FNDC3B: variants seen among roughly 807,000 people sequenced by gnomAD.
FNDC3B encodes the protein fibronectin type III domain-containing protein 3B.
FNDC3B carries 12 observed loss-of-function variants against 151.5 expected under a neutral mutation model. The ratio of observed to expected loss-of-function variants is 0.08; its 90% CI spans 0.05 to 0.13. The LOEUF is 0.13. Ranked by LOEUF, FNDC3B falls within the 10% of genes least tolerant of loss-of-function variation. The pLI is 1.00. For missense variants in FNDC3B, 1,214 were observed against 1,505.3 expected (o/e 0.81, Z 3.20); for synonymous variants, 528 against 549.0 (o/e 0.96, Z 0.54).
chr3:172,049,631 G>A (rs1324136003), intron 1 of FNDC3B, among the ~76,000 whole-genome samples: 2 of 152,026 alleles, frequency 1.3e-5, no homozygotes, highest in Non-Finnish European at 2.9e-5. Context: ...AGGTTCAAGC[G>A]ATTCTTCTGC....
chr3:172,340,662 T>A (rs1733259268), intron 16 of FNDC3B, among the ~76,000 whole-genome samples: 1 of 152,146 alleles, frequency 6.6e-6, no homozygotes, highest in African/African-American at 2.4e-5. Flanking sequence ...TCCTTTGACC[T>A]CTAGGCAGAT....
At chr3:172,152,904 T>G (rs973610309) in intron 3 of FNDC3B, among the ~76,000 whole-genome samples, 2 of 152,138 alleles carry the variant, frequency 1.3e-5, no homozygotes, top group African/African-American at 4.8e-5. Context: ...ACAGAACAAT[T>G]CATTTGCTGC....
intron 1 of FNDC3B, among the ~76,000 whole-genome samples, chr3:172,070,491 A>T (rs1717719525): frequency 1.3e-5 from 2 of 152,226 alleles, no homozygotes; most frequent in South Asian, 4.1e-4. Flanking sequence ...CCCTGGACAT[A>T]CAGTTGTTTG....
rs370315169 is a variant in FNDC3B, at chr3:172,286,116, AAT to A, written c.849+134_849+135del. 12 of 658,278 alleles carry A rather than the reference AAT, an allele frequency of 1.8e-5. No individual in the cohort carries two copies. In the African/African-American group the frequency reaches 2.0e-4, roughly 11 times the overall value. The allele number at this position is 658,278 out of a possible 1,614,324, so 40.8% of individuals were successfully genotyped here. A position where few individuals can be genotyped will look rare whatever the true frequency, so the allele number is the denominator to read the frequency against. ...TTTGCAGATTACTCATCAACTATGA[AAT>A]AGTGTTCGGTTCAGTTATTAATGGA... On this transcript the variant is annotated intron_variant, in intron 7 of 25. Transcript: ENST00000415807.
At chr3:172,186,083 T>G (rs1436610670) in intron 3 of FNDC3B, among the ~76,000 whole-genome samples, 1 of 152,236 alleles carries the variant, frequency 6.6e-6, no homozygotes, top group East Asian at 1.9e-4. Context: ...AAAGCTGAAG[T>G]AAGGATTTCA....
intron 3 of FNDC3B, among the ~76,000 whole-genome samples, chr3:172,199,476 G>C (rs909926711): frequency 2.6e-5 from 4 of 152,180 alleles, no homozygotes; most frequent in Non-Finnish European, 5.9e-5. Flanking sequence ...ACCGCGCCCG[G>C]CTAGAATATT....
intron 1 of FNDC3B, among the ~76,000 whole-genome samples, chr3:172,098,682 A>T (rs1165033186): frequency 2.0e-5 from 3 of 152,152 alleles, no homozygotes; most frequent in Non-Finnish European, 2.9e-5. Context: ...ATACCCTGAG[A>T]GATTATCTAG....
At chr3:172,094,001 A>G (rs568210933) in intron 1 of FNDC3B, among the ~76,000 whole-genome samples, 2 of 152,132 alleles carry the variant, frequency 1.3e-5, no homozygotes, top group Non-Finnish European at 2.9e-5. Flanking sequence ...AACCACCACC[A>G]CTAGCAAATT....
chr3:172,142,268 A>G lies in FNDC3B; in HGVS notation c.187+8722A>G, dbSNP rs1721663300. On this transcript the variant is annotated intron_variant, in intron 3 of 25. Coordinates refer to ENST00000415807, the MANE Select transcript of FNDC3B (RefSeq NM_022763.4). ...ATTTTTAAAGCATTTCAGAAAGCCTATGCGAACTGGAGTTATTAGGATTTT... is the reference window on the plus strand; with the variant it reads ...ATTTTTAAAGCATTTCAGAAAGCCTGTGCGAACTGGAGTTATTAGGATTTT... Among the ~76,000 whole-genome samples, 4 of 152,230 alleles carry G rather than the reference A, an allele frequency of 2.6e-5. No homozygotes were observed. The South Asian group carries it at 8.3e-4, about 31-fold the overall frequency.
Position 172,040,868 on chromosome 3 carries a change from C to G in FNDC3B, c.-29+1097C>G, listed in dbSNP as rs942595703. 6.6e-6 allele frequency among the ~76,000 whole-genome samples: 1 copy of G among 152,114 alleles called. No homozygotes were observed. The highest frequency in any genetic ancestry group is 3.2e-3 in the Middle Eastern group (1 of 312). ...GAACCGGAGGACCCGGGCCCGCCGT[C>G]TCGGGAGACTGGGCTGCGCCGCCCG... is the stretch of plus-strand genomic sequence containing the variant. On this transcript the variant is annotated intron_variant, in intron 1 of 25. Transcript: ENST00000415807. This position sits in a 1 kb window ranked among gnomAD's most constrained non-coding sequence, Gnocchi z 6.6.
chr3:172,323,534 A>C (rs918805562), intron 11 of FNDC3B, among the ~76,000 whole-genome samples: 5 of 152,322 alleles, frequency 3.3e-5, no homozygotes, highest in South Asian at 2.1e-4. Flanking sequence ...CACACACACA[A>C]AAAGTAGAAT....
intron 3 of FNDC3B, among the ~76,000 whole-genome samples, chr3:172,136,706 G>C (rs1721384134): frequency 6.6e-6 from 1 of 152,122 alleles, no homozygotes; most frequent in Non-Finnish European, 1.5e-5. Context: ...CCAACAGGCG[G>C]GAGTGTTTTT....
chr3:172,051,497 A>G (rs1036778177), intron 1 of FNDC3B, among the ~76,000 whole-genome samples: 1 of 152,148 alleles, frequency 6.6e-6, no homozygotes, highest in African/African-American at 2.4e-5. Flanking sequence ...TGAATGTGCC[A>G]TTTAAACTTA....
At chr3:172,182,764 T>C (rs1454191062) in intron 3 of FNDC3B, among the ~76,000 whole-genome samples, 1 of 152,212 alleles carries the variant, frequency 6.6e-6, no homozygotes, top group African/African-American at 2.4e-5. Context: ...TTTTCAGCTC[T>C]CTTATCATAG....
At position 172,236,427 on chromosome 3, in the gene FNDC3B, T is replaced by C. The variant is rs1405416144; in HGVS notation, c.264+9480T>C. ...GGACTGTGATGCTGCTTATGTTAGATCTTCTGAGTTTTATGCAAGTCAAGG... is the reference window on the plus strand; with the variant it reads ...GGACTGTGATGCTGCTTATGTTAGACCTTCTGAGTTTTATGCAAGTCAAGG... On this transcript the variant is annotated intron_variant, in intron 4 of 25. Transcript: ENST00000415807. 2.6e-5 allele frequency among the ~76,000 whole-genome samples: 4 copies of C among 152,220 alleles called. No homozygotes were observed. In the East Asian group the frequency reaches 7.7e-4, roughly 29 times the overall value.
At chr3:172,111,179 G>T (rs1231827062) in intron 1 of FNDC3B, among the ~76,000 whole-genome samples, 1 of 150,678 alleles carries the variant, frequency 6.6e-6, no homozygotes, top group African/African-American at 2.4e-5. Flanking sequence ...TGCATTATTA[G>T]TAAGATAAAG....
intron 11 of FNDC3B, among the ~76,000 whole-genome samples, chr3:172,314,318 C>T (rs1378533619): frequency 1.3e-5 from 2 of 152,130 alleles, no homozygotes; most frequent in Non-Finnish European, 2.9e-5. Flanking sequence ...ACTTAGATTG[C>T]AGAAAGTTTT....
chr3:172,097,463 C>T (rs1339597415), intron 1 of FNDC3B, among the ~76,000 whole-genome samples: 1 of 152,112 alleles, frequency 6.6e-6, no homozygotes, highest in African/African-American at 2.4e-5. Context: ...AAAGTATTTC[C>T]TCACAAAAAT....
chr3:172,104,635 C>T (rs1007402563), intron 1 of FNDC3B, among the ~76,000 whole-genome samples: 1 of 152,066 alleles, frequency 6.6e-6, no homozygotes, highest in African/African-American at 2.4e-5. Context: ...TTCATAATGG[C>T]GACATGCTAA....
Sources: gnomAD v4.1 joint callset for allele counts (sites outside exome capture counted in the v4.1 genomes callset) on GRCh38, gnomAD v4.1.1 for gene constraint, Gnocchi (gnomAD v3.1) non-coding constraint, MANE v1.5 for transcripts, NCBI Gene and HGNC (gene_info 2026-07-23, HGNC 2026-07-21) for gene names.